Variants in KAZN observed in about 807,000 individuals in gnomAD.
KAZN encodes kazrin.
A neutral mutation model predicts 87.4 loss-of-function variants in KAZN; 40 were observed. The ratio of observed to expected loss-of-function variants is 0.46; its 90% CI spans 0.36 to 0.60. The LOEUF (loss-of-function observed/expected upper bound fraction) is 0.60. KAZN is among the 20% of genes least tolerant of loss of function. The pLI is 0.00. For synonymous variants in KAZN, 466 were observed against 458.3 expected (o/e 1.02, Z -0.22); for missense variants, 898 against 1,073.9 (o/e 0.84, Z 2.29).
Position 14,587,691 on chromosome 1 carries a change from C to T in KAZN, c.250-11292C>T, listed in dbSNP as rs972777532. Among the ~76,000 whole-genome samples the T allele has an allele frequency of 2.0e-5, 3 of 152,038 alleles. 1 individual carries two copies. The East Asian group carries it at 5.8e-4, about 29-fold the overall frequency. On this transcript the variant is annotated intron_variant, in intron 2 of 16. Transcript: ENST00000636203. ...TGTGAACTAACTGAGTGAGAACTCA[C>T]TCATCACCAAGGGTTTGGTACTAAG...
intron 1 of KAZN, among the ~76,000 whole-genome samples, chr1:14,651,690 C>T (rs1300724023): frequency 6.6e-6 from 1 of 152,122 alleles, no homozygotes; most frequent in Admixed American, 6.5e-5. Flanking sequence ...TTGACTGGGG[C>T]TTTTTTCCCC....
chr1:14,722,117 A>C (rs1038295821), intron 1 of KAZN, among the ~76,000 whole-genome samples: 3 of 151,920 alleles, frequency 2.0e-5, no homozygotes, highest in Admixed American at 6.6e-5. Context: ...GCACCACTGC[A>C]CTCAGCCTAA....
At chr1:14,268,088 C>A (rs900215453) in intron 2 of KAZN, among the ~76,000 whole-genome samples, 2 of 152,198 alleles carry the variant, frequency 1.3e-5, no homozygotes, top group African/African-American at 4.8e-5. Context: ...TGAGGTACTG[C>A]AAACCTTTCA....
At chr1:14,753,260 G>A (rs1401597312) in intron 1 of KAZN, among the ~76,000 whole-genome samples, 1 of 151,966 alleles carries the variant, frequency 6.6e-6, no homozygotes, top group African/African-American at 2.4e-5. Flanking sequence ...TTTTTAGGAA[G>A]CAGGCGGTAT....
At chr1:14,913,678 G>A (rs528109486) in intron 1 of KAZN, among the ~76,000 whole-genome samples, 11 of 152,350 alleles carry the variant, frequency 7.2e-5, no homozygotes, top group East Asian at 3.9e-4. Context: ...CTTGCTGGGC[G>A]TCTTTGTAGC....
intron 1 of KAZN, among the ~76,000 whole-genome samples, chr1:14,135,976 G>A (rs1399472225): frequency 6.6e-6 from 1 of 152,154 alleles, no homozygotes; most frequent in Non-Finnish European, 1.5e-5. Flanking sequence ...CTTTACACTT[G>A]GTTCATGGAA....
At chr1:14,230,987 A>G (rs1287956854) in intron 2 of KAZN, among the ~76,000 whole-genome samples, 2 of 152,188 alleles carry the variant, frequency 1.3e-5, no homozygotes, top group African/African-American at 4.8e-5. Flanking sequence ...GGGTAATAAT[A>G]GGTCCCCCTT....
intron 1 of KAZN, among the ~76,000 whole-genome samples, chr1:14,741,387 T>C (rs1169349444): frequency 6.6e-6 from 1 of 152,192 alleles, no homozygotes; most frequent in Non-Finnish European, 1.5e-5. Context: ...GCAAATCCCA[T>C]GGGCATGTGG....
At chr1:14,604,205 A>T (rs1572028870) in intron 1 of KAZN, among the ~76,000 whole-genome samples, 1 of 152,140 alleles carries the variant, frequency 6.6e-6, no homozygotes, top group Non-Finnish European at 1.5e-5. Context: ...CAGGAGTGTC[A>T]CCGCCAGCAG....
At chr1:14,334,032 G>A (rs550942467) in intron 2 of KAZN, among the ~76,000 whole-genome samples, 1 of 151,880 alleles carries the variant, frequency 6.6e-6, no homozygotes, top group Admixed American at 6.6e-5. Context: ...AGGAGGCATG[G>A]CCATCACAAG....
chr1:14,653,487 G>T (rs950995076), intron 1 of KAZN, among the ~76,000 whole-genome samples: 1 of 152,234 alleles, frequency 6.6e-6, no homozygotes, highest in African/African-American at 2.4e-5. Context: ...TAGGCCCGGG[G>T]CGGCCAGACC....
intron 1 of KAZN, among the ~76,000 whole-genome samples, chr1:13,987,456 C>T (rs577471870): frequency 4.2e-4 from 64 of 152,230 alleles, no homozygotes; most frequent in Non-Finnish European, 8.2e-4. Flanking sequence ...GACTTTTGTA[C>T]CTTGTAATCT....
At chr1:15,034,925 C>T in intron 3 of KAZN, 40 bp downstream of exon 3, 1 of 1,606,524 alleles carries the variant, frequency 6.2e-7, no homozygotes, top group Non-Finnish European at 8.5e-7. Context: ...TCCCGACACA[C>T]CAGCTCCCAC....
intron 2 of KAZN, among the ~76,000 whole-genome samples, chr1:14,241,118 T>C (rs1648897063): frequency 6.6e-6 from 1 of 152,234 alleles, no homozygotes. Flanking sequence ...ACAGAGGACA[T>C]TGGGTGAAAC....
intron 2 of KAZN, among the ~76,000 whole-genome samples, chr1:14,372,319 G>T (rs908399924): frequency 6.6e-6 from 1 of 152,196 alleles, no homozygotes; most frequent in African/African-American, 2.4e-5. Flanking sequence ...GCTGACTTGT[G>T]TTAAGTATAT....
At chr1:14,143,800 C>T (rs2101775247) in intron 1 of KAZN, among the ~76,000 whole-genome samples, 1 of 150,830 alleles carries the variant, frequency 6.6e-6, no homozygotes, top group Middle Eastern at 3.4e-3. Flanking sequence ...TCACCACAGC[C>T]TCGACCTCCT....
At chr1:14,426,723 C>T (rs1391738022) in intron 2 of KAZN, among the ~76,000 whole-genome samples, 1 of 152,068 alleles carries the variant, frequency 6.6e-6, no homozygotes, top group African/African-American at 2.4e-5. Flanking sequence ...GCCAAATGTC[C>T]AGCCCCTCCC....
chr1:14,287,756 C>A (rs531470857), intron 2 of KAZN, among the ~76,000 whole-genome samples: 1 of 152,282 alleles, frequency 6.6e-6, no homozygotes, highest in East Asian at 1.9e-4. Flanking sequence ...CTGACTTGTG[C>A]CAGTTTTCAA....
intron 3 of KAZN, among the ~76,000 whole-genome samples, chr1:15,040,916 C>T (rs530781732): frequency 3.0e-4 from 45 of 152,158 alleles, no homozygotes; most frequent in Non-Finnish European, 4.9e-4. Context: ...CATCTCACCA[C>T]TGTCACCTCC....
Sources: allele counts gnomAD v4.1 joint callset (sites outside exome capture counted in the v4.1 genomes callset), GRCh38; gene constraint gnomAD v4.1.1; transcripts MANE v1.5; gene names NCBI Gene and HGNC (gene_info 2026-07-23, HGNC 2026-07-21).